The following ARHGAP18 variants were observed in gnomAD, a reference collection of about 807,000 sequenced individuals.
ARHGAP18 encodes rho GTPase-activating protein 18.
Under a neutral mutation model 86.2 loss-of-function variants are expected in ARHGAP18, and 67 were observed. That is an observed-to-expected ratio of 0.78 (90% CI 0.64 to 0.95). The LOEUF is 0.95. Among genes scored for constraint, ARHGAP18 ranks in the 40% least tolerant of loss-of-function variants. The probability of loss-of-function intolerance (pLI) is 0.00; values close to 1 mark genes in which losing one functional copy is unlikely to be tolerated. For missense variants in ARHGAP18, 691 were observed against 780.4 expected, an observed-to-expected ratio of 0.89 and a Z score of 1.37; for synonymous variants, 283 against 280.4, an observed-to-expected ratio of 1.01 and a Z score of -0.09.
At chr6:129,703,884 C>G (rs1023916357) in intron 1 of ARHGAP18, among the ~76,000 whole-genome samples, 1 of 152,098 alleles carries the variant, frequency 6.6e-6, no homozygotes, top group Admixed American at 6.5e-5. Flanking sequence ...AGGAAATACG[C>G]TTTAGAAGCT....
chr6:129,655,920 G>A (rs892940076), intron 1 of ARHGAP18, among the ~76,000 whole-genome samples: 1 of 152,208 alleles, frequency 6.6e-6, no homozygotes. Context: ...GTTTTAAAAA[G>A]AACTTCACCC....
At chr6:129,592,608 G>A (rs1437685638) in intron 12 of ARHGAP18, among the ~76,000 whole-genome samples, 1 of 152,108 alleles carries the variant, frequency 6.6e-6, no homozygotes, top group Admixed American at 6.6e-5. Flanking sequence ...TGACCTATGA[G>A]GTCAGAAGTG....
At chr6:129,690,909 C>G (rs749009540) in intron 1 of ARHGAP18, among the ~76,000 whole-genome samples, 1 of 152,076 alleles carries the variant, frequency 6.6e-6, no homozygotes, top group Non-Finnish European at 1.5e-5. Flanking sequence ...CATTTCAATG[C>G]TATCATTACT....
chr6:129,680,756 T>A (rs1210695001), intron 1 of ARHGAP18, among the ~76,000 whole-genome samples: 1 of 152,224 alleles, frequency 6.6e-6, no homozygotes, highest in African/African-American at 2.4e-5. Flanking sequence ...CTCCTTATAG[T>A]TGCTTTTCCT....
At chr6:129,578,735 G>T in intron 14 of ARHGAP18, 131 bp from the exon 15 acceptor site, 1 of 622,850 alleles carries the variant, frequency 1.6e-6, no homozygotes, top group Non-Finnish European at 2.6e-6. Flanking sequence ...AGGCCGAGGT[G>T]GGCAGATTGG....
chr6:129,630,246 GT>G (rs1773172029), intron 4 of ARHGAP18, among the ~76,000 whole-genome samples: 1 of 152,080 alleles, frequency 6.6e-6, no homozygotes, highest in African/African-American at 2.4e-5. Context: ...TTTTTGGCTT[GT>G]TGTTAACCCT....
intron 8 of ARHGAP18, among the ~76,000 whole-genome samples, chr6:129,610,329 C>A (rs1036514866): frequency 6.6e-6 from 1 of 152,172 alleles, no homozygotes; most frequent in African/African-American, 2.4e-5. Flanking sequence ...GCTTTATCCC[C>A]CAGGCCAAAA....
In ARHGAP18 at chr6:129,584,124, T is replaced by C. The variant is rs199536966; in HGVS notation, c.1714-12A>G. ...TGAGGAACGTCAGCCTGCAAAGCAA[T>C]AATGACACTGGAACAAAGCTGGCAG... On this transcript the variant is annotated splice_polypyrimidine_tract_variant and intron_variant, in intron 12 of 14. Transcript: ENST00000368149. The C allele has an allele frequency of 4.1e-5, 66 of 1,613,336 alleles. No individual in the cohort carries two copies. The East Asian group carries it at 1.5e-3, about 35-fold the overall frequency.
chr6:129,629,291 G>A, intron 5 of ARHGAP18, 62 bp downstream of exon 5: 10 of 1,286,196 alleles, frequency 7.8e-6, no homozygotes, highest in Non-Finnish European at 8.8e-6. Flanking sequence ...GTATGTATAT[G>A]TGTGTGTGTA....
intron 4 of ARHGAP18, among the ~76,000 whole-genome samples, chr6:129,629,972 G>A (rs967425055): frequency 3.9e-5 from 6 of 152,186 alleles, no homozygotes; most frequent in African/African-American, 9.6e-5. Context: ...TCAGTTTCCT[G>A]GAATAAACTT....
At chr6:129,704,113 TCTTA>T (rs111314159) in intron 1 of ARHGAP18, among the ~76,000 whole-genome samples, 36,541 of 151,812 alleles carry the variant, frequency 0.24, 5,125 homozygotes, top group African/African-American at 0.39. Flanking sequence ...CCAGCCATGT[TCTTA>T]CTTTAATGTT....
chr6:129,691,188 CCAAA>C (rs754552377), intron 1 of ARHGAP18, among the ~76,000 whole-genome samples: 3 of 152,156 alleles, frequency 2.0e-5, no homozygotes, highest in Non-Finnish European at 2.9e-5. Flanking sequence ...TGAATGACCC[CCAAA>C]CAGTCACCTC....
intron 4 of ARHGAP18, among the ~76,000 whole-genome samples, chr6:129,633,266 TAAAA>T (rs10713691): frequency 7.6e-6 from 1 of 132,250 alleles, no homozygotes; most frequent in Non-Finnish European, 1.6e-5. Context: ...TGTCTCTACT[TAAAA>T]AAAAAAAAAA....
intron 1 of ARHGAP18, 117 bp downstream of exon 1, chr6:129,709,907 C>T (rs982184212): frequency 1.0e-5 from 8 of 769,142 alleles, no homozygotes; most frequent in African/African-American, 1.7e-5. Context: ...TGCTGCTGCA[C>T]GAGCTCAGGC....
At chr6:129,650,726 T>C (rs1462760489) in intron 1 of ARHGAP18, among the ~76,000 whole-genome samples, 1 of 152,244 alleles carries the variant, frequency 6.6e-6, no homozygotes, top group Admixed American at 6.5e-5. Context: ...ACCCTGGACC[T>C]GATGTTCTTT....
chr6:129,686,537 T>C (rs150034159), intron 1 of ARHGAP18, among the ~76,000 whole-genome samples: 108 of 152,358 alleles, frequency 7.1e-4, no homozygotes, highest in Middle Eastern at 3.4e-3. Flanking sequence ...CAGAGCTGCC[T>C]TGGCTCCTCA....
intron 1 of ARHGAP18, among the ~76,000 whole-genome samples, chr6:129,674,901 T>G (rs572891675): frequency 4.6e-5 from 7 of 152,296 alleles, no homozygotes; most frequent in African/African-American, 1.7e-4. Flanking sequence ...GAATCTATGA[T>G]TATTTCACAA....
chr6:129,710,112 C>T lies in ARHGAP18; in HGVS notation c.25G>A (p.Gly9Arg), dbSNP rs745571458. Residue 9 changes from glycine (G) to arginine (R), a missense_variant, in exon 1 of 15, where the codon GGA becomes AGA. Gly to Arg is a moderately radical substitution (Grantham distance 125, BLOSUM62 -2). Transcript: ENST00000368149. MSWLSSSQGVVLTAYHPSG... is the reference protein window; with the variant it reads MSWLSSSQRVVLTAYHPSG... Reference sequence around the variant, plus strand: ...GGGTGGTAGGCTGTTAGTACCACTCCCTGGGAACTGGAGAGCCAGCTCATG... The same window carrying T: ...GGGTGGTAGGCTGTTAGTACCACTCTCTGGGAACTGGAGAGCCAGCTCATG... 3.1e-6 allele frequency: 5 copies of T among 1,613,820 alleles called. No individual in the cohort carries two copies. Among genetic ancestry groups the T allele is most frequent in the Non-Finnish European group, 4.2e-6 (5 of 1,179,814 alleles).
Position 129,638,567 on chromosome 6 carries a change from C to T in ARHGAP18, c.379G>A (p.Ala127Thr). 1 of 1,614,188 alleles carries T rather than the reference C, an allele frequency of 6.2e-7. No individual in the cohort carries two copies. The highest frequency in any genetic ancestry group is 8.5e-7 in the Non-Finnish European group (1 of 1,180,034). Residue 127 changes from alanine (A) to threonine (T), a missense_variant, in exon 3 of 15, where the codon GCT (alanine) becomes ACT (threonine). By Grantham distance (58) the Ala-to-Thr change is moderately conservative (BLOSUM62 0). Coordinates refer to ENST00000368149, the MANE Select transcript of ARHGAP18 (RefSeq NM_033515.3). The part of the protein sequence containing the change: ...AGLSNLFGES[A>T]GDPQESIVFL... ...ACAATGCTTTCCTGTGGATCTCCAG[C>T]AGACTCTCCGAAGAGATTGGATAAA...
Sources: allele counts gnomAD v4.1 joint callset (sites outside exome capture counted in the v4.1 genomes callset), GRCh38; gene constraint gnomAD v4.1.1; transcripts MANE v1.5; gene names NCBI Gene and HGNC (gene_info 2026-07-23, HGNC 2026-07-21).